FBXO25: variants seen among roughly 807,000 people sequenced by gnomAD.
FBXO25 encodes the protein F-box protein 25, also known as F-box only protein 25.
In FBXO25, 45 loss-of-function variants were observed where a neutral mutation model predicts 51.9. The ratio of observed to expected loss-of-function variants is 0.87; its 90% CI spans 0.68 to 1.11. The LOEUF is 1.11. Among genes scored for constraint, FBXO25 ranks in the 50% most tolerant of loss-of-function variants. FBXO25 has a pLI of 0.00. For missense variants in FBXO25, 507 were observed against 428.5 expected, an observed-to-expected ratio of 1.18 and a Z score of -1.62; for synonymous variants, 199 against 151.0, an observed-to-expected ratio of 1.32 and a Z score of -2.33.
chr8:460,767 A>G (rs527904779), intron 8 of FBXO25, among the ~76,000 whole-genome samples: 1 of 152,266 alleles, frequency 6.6e-6, no homozygotes. Context: ...TTGTTTTAAC[A>G]GTACCTGCCT....
intron 2 of FBXO25, among the ~76,000 whole-genome samples, chr8:422,767 A>G (rs1797232486): frequency 6.6e-6 from 1 of 152,204 alleles, no homozygotes; most frequent in Admixed American, 6.5e-5. Context: ...GCGTCAGCAC[A>G]GGGCTCGCAA....
chr8:462,874 AC>A (rs1799905374), intron 8 of FBXO25, 132 bp from the exon 9 acceptor site: 43 of 1,060,924 alleles, frequency 4.1e-5, no homozygotes, highest in Non-Finnish European at 5.3e-5. Context: ...ACCAAAACCC[AC>A]TTGTAACCCT....
At chr8:464,252 G>A (rs529015791) in intron 9 of FBXO25, among the ~76,000 whole-genome samples, 3 of 152,306 alleles carry the variant, frequency 2.0e-5, no homozygotes, top group South Asian at 2.1e-4. Flanking sequence ...CATGGCACCC[G>A]GCAATTATCC....
intron 7 of FBXO25, among the ~76,000 whole-genome samples, chr8:451,708 C>A (rs1395029887): frequency 1.3e-5 from 2 of 150,768 alleles, no homozygotes; most frequent in African/African-American, 5.0e-5. Context: ...AATAAATTTA[C>A]CTTCATGGGA....
At chr8:452,263 A>C (rs1273004563) in intron 7 of FBXO25, among the ~76,000 whole-genome samples, 1 of 152,240 alleles carries the variant, frequency 6.6e-6, no homozygotes, top group Non-Finnish European at 1.5e-5. Flanking sequence ...ATGAGTCTGA[A>C]ATTATCCTTA....
intron 2 of FBXO25, among the ~76,000 whole-genome samples, chr8:417,078 A>G (rs1324465699): frequency 6.6e-6 from 1 of 152,198 alleles, no homozygotes; most frequent in African/African-American, 2.4e-5. Flanking sequence ...GCAGGAGTAC[A>G]TCATCTGGCA....
intron 8 of FBXO25, among the ~76,000 whole-genome samples, chr8:462,603 G>A (rs565638950): frequency 2.1e-4 from 32 of 152,266 alleles, no homozygotes; most frequent in African/African-American, 7.2e-4. Flanking sequence ...AATAATTTCA[G>A]ATAGACCTGG....
In FBXO25 at chr8:442,790, A is replaced by T. The variant is rs1798510530; in HGVS notation, c.381+7083A>T. Among the ~76,000 whole-genome samples, 3 of 152,304 alleles carry T rather than the reference A, an allele frequency of 2.0e-5. No individual in the cohort carries two copies. The South Asian group carries it at 6.2e-4, about 32-fold the overall frequency. ...CAGCCTATTTCCACTTTATAAAAAG[A>T]TTCTACACAAAGATATCTTCTAATT... is the stretch of plus-strand genomic sequence containing the variant. On this transcript the variant is annotated intron_variant, in intron 5 of 9. Transcript: ENST00000350302.
intron 5 of FBXO25, among the ~76,000 whole-genome samples, chr8:437,288 C>G (rs529913953): frequency 2.0e-5 from 3 of 152,326 alleles, no homozygotes; most frequent in African/African-American, 7.2e-5. Context: ...CTTTGCAACC[C>G]TCTTGAGAAG....
intron 5 of FBXO25, among the ~76,000 whole-genome samples, chr8:448,719 T>A (rs905799254): frequency 1.4e-4 from 22 of 152,308 alleles, no homozygotes; most frequent in South Asian, 4.1e-4. Context: ...GTTTGTTGAC[T>A]GTCTCACCTG....
intron 8 of FBXO25, among the ~76,000 whole-genome samples, chr8:460,920 C>G (rs1437638102): frequency 1.3e-5 from 2 of 152,176 alleles, no homozygotes; most frequent in African/African-American, 4.8e-5. Flanking sequence ...AAAGCCGTGA[C>G]TGAAGTATGA....
rs1436484269 is a variant in FBXO25 at position 435,672 on chromosome 8, A to G, written c.346A>G (p.Ile116Val). 9 of 1,600,844 alleles carry G rather than the reference A, an allele frequency of 5.6e-6. No individual in the cohort carries two copies. In the East Asian group the frequency reaches 1.1e-4, roughly 20 times the overall value. The stretch of plus-strand genomic sequence containing the variant: ...TAATCGGTTAGACTTCTCAAGTGCA[A>G]TTCAAGATATCCGAAGGTTCAATTA... Reference protein sequence around the residue: ...AFNRLDFSSAIQDIRRFNYVV... With the variant: ...AFNRLDFSSAVQDIRRFNYVV... The change falls in exon 5 of 10, where the codon ATT becomes GTT. Residue 116 changes from isoleucine (I) to valine (V), a missense_variant. Transcript: ENST00000350302.
intron 2 of FBXO25, among the ~76,000 whole-genome samples, chr8:421,070 G>A (rs1185354718): frequency 6.6e-6 from 1 of 152,258 alleles, no homozygotes; most frequent in Non-Finnish European, 1.5e-5. Flanking sequence ...GGGCCACAGA[G>A]CAGGAGGTGA....
chr8:436,421 G>C (rs965596723), intron 5 of FBXO25, among the ~76,000 whole-genome samples: 3 of 152,218 alleles, frequency 2.0e-5, no homozygotes, highest in Admixed American at 1.3e-4. Flanking sequence ...GCATTTAAAA[G>C]TGCTACTGGG....
chr8:469,639 A>G lies in FBXO25; in HGVS notation c.*835A>G, dbSNP rs1472455322. On this transcript the variant is annotated 3_prime_UTR_variant, in exon 10 of 10. Coordinates refer to ENST00000350302, the MANE Select transcript of FBXO25 (RefSeq NM_183420.2). ...TGATTTTGATACTTAAATCCTTAAA[A>G]GATTGCTTCGTTTTTAAAATAACGC... 6.6e-6 allele frequency: 1 copy of G among 152,262 alleles called. No homozygotes were observed. The highest frequency in any genetic ancestry group is 2.4e-5 in the African/African-American group (1 of 41,470). The allele number at this position is 152,262 out of a possible 1,614,324, so 9.4% of individuals were successfully genotyped here.
intron 2 of FBXO25, among the ~76,000 whole-genome samples, chr8:420,100 C>G (rs1330359073): frequency 2.0e-5 from 3 of 152,076 alleles, no homozygotes; most frequent in Non-Finnish European, 4.4e-5. Flanking sequence ...AACACTGCAG[C>G]TAGCCTGAGG....
At chr8:433,908 A>T (rs1033603692) in intron 4 of FBXO25, among the ~76,000 whole-genome samples, 5 of 152,246 alleles carry the variant, frequency 3.3e-5, no homozygotes, top group African/African-American at 1.2e-4. Context: ...CGAATACACC[A>T]TTAGACGATT....
chr8:443,118 C>G (rs1316097799), intron 5 of FBXO25, among the ~76,000 whole-genome samples: 2 of 151,174 alleles, frequency 1.3e-5, no homozygotes, highest in Non-Finnish European at 2.9e-5. Context: ...TTAAATTTGA[C>G]CTTGTAACTG....
At chr8:454,643 G>C (rs772158585) in intron 7 of FBXO25, among the ~76,000 whole-genome samples, 1 of 152,180 alleles carries the variant, frequency 6.6e-6, no homozygotes, top group Non-Finnish European at 1.5e-5. Context: ...AGTAGTCCCA[G>C]CACTTTGGGA....
Sources: gnomAD v4.1 joint callset for allele counts (sites outside exome capture counted in the v4.1 genomes callset) on GRCh38, gnomAD v4.1.1 for gene constraint, MANE v1.5 for transcripts, NCBI Gene and HGNC (gene_info 2026-07-23, HGNC 2026-07-21) for gene names.